The following STRBP variants were observed in gnomAD, a reference collection of about 807,000 sequenced individuals.
STRBP encodes the protein spermatid perinuclear RNA-binding protein.
STRBP carries 13 observed loss-of-function variants against 80.1 expected under a neutral mutation model. The observed-to-expected ratio is 0.16, with a 90% confidence interval of 0.11 to 0.26. The LOEUF (loss-of-function observed/expected upper bound fraction) is 0.26, where lower values mean the gene tolerates loss of function less well. Ranked by LOEUF, STRBP falls within the 10% of genes least tolerant of loss-of-function variation. The pLI is 1.00. For synonymous variants in STRBP, 284 were observed against 291.2 expected, an observed-to-expected ratio of 0.98 and a Z score of 0.25; for missense variants, 485 against 815.2, an observed-to-expected ratio of 0.59 and a Z score of 4.93.
At chr9:123,183,012 C>T (rs369279267) in intron 3 of STRBP, among the ~76,000 whole-genome samples, 25 of 44,218 alleles carry the variant, frequency 5.7e-4, no homozygotes, top group African/African-American at 2.7e-3. Context: ...AAGATCCTGT[C>T]TCAAAAAAAA....
At chr9:123,243,969 C>G (rs915362528) in intron 1 of STRBP, among the ~76,000 whole-genome samples, 1 of 152,166 alleles carries the variant, frequency 6.6e-6, no homozygotes, top group Non-Finnish European at 1.5e-5. Context: ...AGTCCACACA[C>G]AAATGTTTAT....
At chr9:123,150,372 A>G (rs1409281949) in intron 11 of STRBP, among the ~76,000 whole-genome samples, 1 of 152,168 alleles carries the variant, frequency 6.6e-6, no homozygotes, top group Non-Finnish European at 1.5e-5. Context: ...AACAATAAGT[A>G]TCTGTTCCTG....
At chr9:123,141,295 T>G (rs550962950) in intron 13 of STRBP, among the ~76,000 whole-genome samples, 1 of 152,324 alleles carries the variant, frequency 6.6e-6, no homozygotes, top group South Asian at 2.1e-4. Context: ...TATGGAGAAC[T>G]TGGCATTCTT....
chr9:123,219,390 C>T (rs1216978657), intron 2 of STRBP, among the ~76,000 whole-genome samples: 2 of 152,206 alleles, frequency 1.3e-5, no homozygotes, highest in Non-Finnish European at 2.9e-5. Context: ...TATTCTCTGA[C>T]ATATCCAGCC....
At chr9:123,198,543 A>T (rs1262617027) in intron 2 of STRBP, among the ~76,000 whole-genome samples, 2 of 151,810 alleles carry the variant, frequency 1.3e-5, no homozygotes, top group African/African-American at 4.8e-5. Flanking sequence ...ACTTTCACCT[A>T]TTGTGTGGGT....
intron 2 of STRBP, among the ~76,000 whole-genome samples, chr9:123,198,130 T>C (rs2039172995): frequency 6.6e-6 from 1 of 152,116 alleles, no homozygotes; most frequent in South Asian, 2.1e-4. Flanking sequence ...ATTCATGTCT[T>C]TTGCCTACTT....
chr9:123,118,341 A>G (rs2035679181), downstream of STRBP, among the ~76,000 whole-genome samples: 1 of 152,118 alleles, frequency 6.6e-6, no homozygotes, highest in Non-Finnish European at 1.5e-5. Context: ...TCACCTCATT[A>G]CTTGGGGCAT....
At position 123,184,176 on chromosome 9, in the gene STRBP, C is replaced by T. The variant is rs773427030; in HGVS notation, c.-42G>A. On this transcript the variant is annotated 5_prime_UTR_variant, in exon 3 of 19. Coordinates refer to ENST00000348403, the MANE Select transcript of STRBP (RefSeq NM_018387.5). Reference sequence around the variant, plus strand: ...TTAGCTTCTTTTTCCGATCCTTTCCCCTCTTTCTTGTCGTCTTCACTAGAC... The same window carrying T: ...TTAGCTTCTTTTTCCGATCCTTTCCTCTCTTTCTTGTCGTCTTCACTAGAC... 1.9e-6 allele frequency: 3 copies of T among 1,605,512 alleles called. No homozygotes were observed. Among genetic ancestry groups the T allele is most frequent in the East Asian group, 2.2e-5 (1 of 44,748 alleles).
chr9:123,233,701 A>C (rs993327764), intron 2 of STRBP, among the ~76,000 whole-genome samples: 4 of 152,260 alleles, frequency 2.6e-5, no homozygotes. Context: ...TGTAACAGCA[A>C]TACATCTGCA....
At chr9:123,157,008 C>T (rs970066629) in intron 11 of STRBP, among the ~76,000 whole-genome samples, 5 of 152,074 alleles carry the variant, frequency 3.3e-5, no homozygotes, top group Admixed American at 1.3e-4. Context: ...ACAAGTCAGG[C>T]ATTTTAACCG....
At chr9:123,166,766 A>G (rs868812560) in intron 6 of STRBP, among the ~76,000 whole-genome samples, 3 of 123,914 alleles carry the variant, frequency 2.4e-5, no homozygotes, top group Middle Eastern at 3.9e-3. Flanking sequence ...AACAACAACA[A>G]CAACAACAAC....
intron 2 of STRBP, among the ~76,000 whole-genome samples, chr9:123,230,564 T>C (rs1277783564): frequency 2.0e-5 from 3 of 152,232 alleles, no homozygotes; most frequent in African/African-American, 7.2e-5. Context: ...GTATCAGATA[T>C]ATCACAGACA....
intron 2 of STRBP, among the ~76,000 whole-genome samples, chr9:123,225,759 G>T (rs2040216025): frequency 6.6e-6 from 1 of 152,086 alleles, no homozygotes; most frequent in African/African-American, 2.4e-5. Context: ...CCCTCCAAGA[G>T]ATTCTGTGAG....
At chr9:123,173,884 C>T (rs1299311511) in intron 4 of STRBP, 42 bp from the exon 5 acceptor site, 2 of 1,557,380 alleles carry the variant, frequency 1.3e-6, no homozygotes, top group Non-Finnish European at 1.7e-6. Context: ...CAACCTATTT[C>T]CCAAACTATA....
chr9:123,171,374 A>C (rs2132429393), intron 5 of STRBP, among the ~76,000 whole-genome samples: 2 of 152,310 alleles, frequency 1.3e-5, no homozygotes, highest in South Asian at 4.1e-4. Context: ...AGATAACTGA[A>C]AGTTTTGCTA....
intron 2 of STRBP, among the ~76,000 whole-genome samples, chr9:123,214,120 T>A (rs1335688678): frequency 6.9e-6 from 1 of 145,388 alleles, no homozygotes; most frequent in African/African-American, 2.7e-5. Flanking sequence ...GTGGATAAAG[T>A]GTGGTGTATA....
intron 2 of STRBP, among the ~76,000 whole-genome samples, chr9:123,193,643 CTATTT>C (rs1210292108): frequency 6.6e-6 from 1 of 152,044 alleles, no homozygotes. Context: ...ATCTTCTTTC[CTATTT>C]TAGACAAACA....
intron 1 of STRBP, among the ~76,000 whole-genome samples, chr9:123,238,020 T>C (rs550072253): frequency 1.4e-4 from 21 of 152,350 alleles, no homozygotes; most frequent in African/African-American, 4.6e-4. Context: ...TTTCTGTCTC[T>C]GTAAAATGAG....
At chr9:123,221,046 A>G (rs962648374) in intron 2 of STRBP, among the ~76,000 whole-genome samples, 1 of 152,202 alleles carries the variant, frequency 6.6e-6, no homozygotes, top group Admixed American at 6.5e-5. Flanking sequence ...GGAAAGAATA[A>G]TTAGAGAAAG....
Sources: allele counts gnomAD v4.1 joint callset (sites outside exome capture counted in the v4.1 genomes callset), GRCh38; gene constraint gnomAD v4.1.1; transcripts MANE v1.5; gene names NCBI Gene and HGNC (gene_info 2026-07-23, HGNC 2026-07-21).